The following PPP1R9A variants were observed in gnomAD, a reference collection of about 807,000 sequenced individuals.
PPP1R9A encodes the protein protein phosphatase 1 regulatory subunit 9A.
A neutral mutation model predicts 141.9 loss-of-function variants in PPP1R9A; 59 were observed. The ratio of observed to expected loss-of-function variants is 0.42; its 90% confidence interval spans 0.34 to 0.52. The LOEUF is 0.52. Among genes scored for constraint, PPP1R9A ranks in the 20% least tolerant of loss-of-function variants. The pLI is 0.10. For synonymous variants in PPP1R9A, 500 were observed against 569.7 expected (o/e 0.88, Z 1.74); for missense variants, 1,444 against 1,611.9 (o/e 0.90, Z 1.78).
chr7:95,109,237 G>T (rs1304764880), intron 2 of PPP1R9A, among the ~76,000 whole-genome samples: 1 of 152,234 alleles, frequency 6.6e-6, no homozygotes, highest in Non-Finnish European at 1.5e-5. Context: ...CAAGACTCAG[G>T]TCAAATATCT....
At chr7:95,151,688 A>C (rs1350063774) in intron 4 of PPP1R9A, among the ~76,000 whole-genome samples, 1 of 151,072 alleles carries the variant, frequency 6.6e-6, no homozygotes, top group East Asian at 1.9e-4. Flanking sequence ...AACCACTATC[A>C]TGTAAGATGT....
At chr7:95,179,371 C>T (rs902978499) in intron 5 of PPP1R9A, among the ~76,000 whole-genome samples, 13 of 152,066 alleles carry the variant, frequency 8.5e-5, no homozygotes, top group Non-Finnish European at 1.6e-4. Flanking sequence ...AAGGGACATA[C>T]CTCAATGTAG....
chr7:95,264,536 A>G (rs972562698), intron 12 of PPP1R9A, among the ~76,000 whole-genome samples: 2 of 152,216 alleles, frequency 1.3e-5, no homozygotes, highest in African/African-American at 2.4e-5. Flanking sequence ...AGCATTTTTC[A>G]TAACAGCTGC....
chr7:94,916,484 A>G (rs1484139883), intron 2 of PPP1R9A, among the ~76,000 whole-genome samples: 2 of 152,184 alleles, frequency 1.3e-5, no homozygotes, highest in South Asian at 2.1e-4. Flanking sequence ...ATGGGCTGCT[A>G]TATCTGGTTG....
At chr7:95,040,048 C>A (rs1447544463) in intron 2 of PPP1R9A, among the ~76,000 whole-genome samples, 1 of 152,218 alleles carries the variant, frequency 6.6e-6, no homozygotes, top group South Asian at 2.1e-4. Flanking sequence ...GTGGAAGATA[C>A]ATCTATCCTA....
chr7:94,931,880 CTG>C (rs762392313), intron 2 of PPP1R9A, among the ~76,000 whole-genome samples: 1 of 152,140 alleles, frequency 6.6e-6, no homozygotes, highest in Non-Finnish European at 1.5e-5. Context: ...GCCCGACTGA[CTG>C]TGGATTCTTA....
At chr7:95,200,003 G>A (rs946769973) in intron 6 of PPP1R9A, among the ~76,000 whole-genome samples, 1 of 151,916 alleles carries the variant, frequency 6.6e-6, no homozygotes, top group African/African-American at 2.4e-5. Context: ...AGGGGACATG[G>A]CCAGGCTTTC....
intron 12 of PPP1R9A, among the ~76,000 whole-genome samples, chr7:95,265,290 A>G (rs1056168954): frequency 6.6e-6 from 1 of 152,186 alleles, no homozygotes; most frequent in Non-Finnish European, 1.5e-5. Context: ...GACCTTCCAG[A>G]AGGAGAATAG....
chr7:94,925,080 A>G (rs1793304991), intron 2 of PPP1R9A, among the ~76,000 whole-genome samples: 1 of 152,248 alleles, frequency 6.6e-6, no homozygotes, highest in Non-Finnish European at 1.5e-5. Context: ...AGAAAAATGT[A>G]AGGAGTTGGC....
chr7:95,223,701 A>G (rs1009124662), intron 7 of PPP1R9A, among the ~76,000 whole-genome samples: 2 of 152,046 alleles, frequency 1.3e-5, no homozygotes, highest in Non-Finnish European at 2.9e-5. Context: ...GGGCTTAGTC[A>G]TACTTTAAAT....
At chr7:95,072,257 ATAT>A (rs1458464395) in intron 2 of PPP1R9A, among the ~76,000 whole-genome samples, 3 of 145,092 alleles carry the variant, frequency 2.1e-5, no homozygotes, top group African/African-American at 5.0e-5. Context: ...TAAATATATA[ATAT>A]TATATAATAA....
intron 2 of PPP1R9A, among the ~76,000 whole-genome samples, chr7:94,941,243 T>G (rs1225144936): frequency 6.6e-6 from 1 of 152,060 alleles, no homozygotes; most frequent in Admixed American, 6.6e-5. Context: ...GGCTTAGAGT[T>G]AGTAACAAAT....
chr7:95,095,772 C>T (rs1817932050), intron 2 of PPP1R9A, among the ~76,000 whole-genome samples: 1 of 152,178 alleles, frequency 6.6e-6, no homozygotes. Context: ...TGAGTCTAAT[C>T]TTAGGTTTAC....
intron 2 of PPP1R9A, among the ~76,000 whole-genome samples, chr7:94,964,606 G>A (rs748797689): frequency 2.8e-4 from 43 of 151,978 alleles, no homozygotes; most frequent in Non-Finnish European, 2.2e-4. Flanking sequence ...TGTTCCTGTC[G>A]TAGTTTGCTG....
intron 2 of PPP1R9A, among the ~76,000 whole-genome samples, chr7:95,090,098 T>C (rs1285520696): frequency 6.6e-6 from 1 of 151,962 alleles, no homozygotes; most frequent in Non-Finnish European, 1.5e-5. Context: ...AGATCTTAGA[T>C]TCCCTTTGTT....
intron 2 of PPP1R9A, among the ~76,000 whole-genome samples, chr7:94,999,287 T>C (rs1289500149): frequency 6.6e-6 from 1 of 152,208 alleles, no homozygotes; most frequent in South Asian, 2.1e-4. Flanking sequence ...AGTCTGAATC[T>C]AAGAGCTACA....
At chr7:95,058,508 AG>A (rs1266251125) in intron 2 of PPP1R9A, among the ~76,000 whole-genome samples, 1 of 152,202 alleles carries the variant, frequency 6.6e-6, no homozygotes, top group African/African-American at 2.4e-5. Context: ...TACAGTCTTT[AG>A]TGTCTGGTTA....
chr7:95,105,597 A>G (rs1181729803), intron 2 of PPP1R9A, among the ~76,000 whole-genome samples: 1 of 152,250 alleles, frequency 6.6e-6, no homozygotes, highest in African/African-American at 2.4e-5. Context: ...GGTGTTGAAC[A>G]TTAGGACTCA....
At chr7:95,231,309 A>C (rs1795897785) in intron 8 of PPP1R9A, among the ~76,000 whole-genome samples, 1 of 152,154 alleles carries the variant, frequency 6.6e-6, no homozygotes, top group African/African-American at 2.4e-5. Context: ...GGACTTTCAT[A>C]CTCTACTGTC....
Sources: gnomAD v4.1 joint callset for allele counts (sites outside exome capture counted in the v4.1 genomes callset) on GRCh38, gnomAD v4.1.1 for gene constraint, MANE v1.5 for transcripts, NCBI Gene and HGNC (gene_info 2026-07-23, HGNC 2026-07-21) for gene names.